The following NXN variants were observed in gnomAD, a reference collection of about 807,000 sequenced individuals.
NXN encodes the protein nucleoredoxin 1.
In NXN, 16 loss-of-function variants were observed where a neutral mutation model predicts 48.6. That is an observed-to-expected ratio of 0.33 (90% CI 0.22 to 0.50). The LOEUF (loss-of-function observed/expected upper bound fraction) is 0.50. NXN is among the 20% of genes least tolerant of loss of function. NXN has a pLI of 0.98. For synonymous variants in NXN, 281 were observed against 269.6 expected, an observed-to-expected ratio of 1.04 and a Z score of -0.41; for missense variants, 492 against 605.5, an observed-to-expected ratio of 0.81 and a Z score of 1.97.
At chr17:839,823 A>G (rs12941788) in intron 1 of NXN, among the ~76,000 whole-genome samples, 5,666 of 143,880 alleles carry the variant, frequency 0.039, 247 homozygotes, top group East Asian at 0.21. Context: ...AAGGCCAGGC[A>G]CGGTGGCTCA....
At chr17:810,241 C>T (rs1253286945) in intron 5 of NXN, among the ~76,000 whole-genome samples, 3 of 122,138 alleles carry the variant, frequency 2.5e-5, no homozygotes, top group Admixed American at 8.4e-5. Flanking sequence ...GTGGCGTGCA[C>T]GTTACGAGTC....
At chr17:802,441 G>A (rs537710104) in intron 7 of NXN, among the ~76,000 whole-genome samples, 12 of 152,354 alleles carry the variant, frequency 7.9e-5, no homozygotes, top group African/African-American at 2.6e-4. Flanking sequence ...AGCCAGGAGC[G>A]AAGGAGACAG....
chr17:858,924 C>T (rs1299295407), intron 1 of NXN, among the ~76,000 whole-genome samples: 1 of 152,120 alleles, frequency 6.6e-6, no homozygotes, highest in Non-Finnish European at 1.5e-5. Context: ...CCATAGCCAG[C>T]CAAGAGCAGG....
intron 1 of NXN, among the ~76,000 whole-genome samples, chr17:922,652 GTTCT>G (rs747695213): frequency 2.7e-4 from 41 of 151,716 alleles, no homozygotes; most frequent in Non-Finnish European, 3.2e-4. Context: ...TCCACTCTGC[GTTCT>G]TTGTTTTGTT....
intron 5 of NXN, among the ~76,000 whole-genome samples, chr17:806,948 G>GCACACACA (rs1567808816): frequency 2.2e-5 from 3 of 139,428 alleles, no homozygotes; most frequent in African/African-American, 9.4e-5. Flanking sequence ...ACACACACAC[G>GCACACACA]CACGCGCCCA....
At chr17:885,052 C>A (rs563051820) in intron 1 of NXN, among the ~76,000 whole-genome samples, 1 of 152,180 alleles carries the variant, frequency 6.6e-6, no homozygotes, top group African/African-American at 2.4e-5. Context: ...CCAAGCGGAG[C>A]TGAGTCAGGC....
At chr17:938,491 C>A (rs1471752593) in intron 1 of NXN, among the ~76,000 whole-genome samples, 1 of 149,636 alleles carries the variant, frequency 6.7e-6, no homozygotes, top group African/African-American at 2.6e-5. Context: ...ATCAGCCCAG[C>A]CAACATGGCG....
At chr17:818,346 AC>A (rs1315047719) in intron 5 of NXN, among the ~76,000 whole-genome samples, 1 of 152,088 alleles carries the variant, frequency 6.6e-6, no homozygotes, top group Non-Finnish European at 1.5e-5. Context: ...TGATTTTCTC[AC>A]CGAGAAGGTG....
At chr17:943,587 T>G (rs1005853815) in intron 1 of NXN, among the ~76,000 whole-genome samples, 1 of 151,112 alleles carries the variant, frequency 6.6e-6, no homozygotes, top group Non-Finnish European at 1.5e-5. Flanking sequence ...TTTGGGAGGC[T>G]GAGGCAGGCG....
In NXN at chr17:898,556, CAT is replaced by C. The variant is rs1212640358; in HGVS notation, c.361-72480_361-72479del. ...TGCCGTCAGGAACTCGTCCGGACGC[CAT>C]CTCCTCTGAGAAACTACTCTGAGGC... On this transcript the variant is annotated intron_variant, in intron 1 of 7. Coordinates refer to ENST00000336868, the MANE Select transcript of NXN (RefSeq NM_022463.5). Among the ~76,000 whole-genome samples, 4 of 72,134 alleles carry C rather than the reference CAT, an allele frequency of 5.5e-5. 1 individual carries two copies. Among genetic ancestry groups the C allele is most frequent in the African/African-American group, 1.3e-4 (4 of 31,464 alleles). 47.3% of individuals were successfully genotyped at this position (72,134 alleles called of 152,430 possible).
chr17:931,243 C>T lies in NXN; in HGVS notation c.360+48076G>A, dbSNP rs1175951778. ...TCGAGGCTGCAGTGAGCTGAGATCGCGCCACTGCACTCCAGCCTGGGCGAC... is the reference window on the plus strand; with the variant it reads ...TCGAGGCTGCAGTGAGCTGAGATCGTGCCACTGCACTCCAGCCTGGGCGAC... On this transcript the variant is annotated intron_variant, in intron 1 of 7. Transcript: ENST00000336868. Among the ~76,000 whole-genome samples the T allele has an allele frequency of 2.7e-5, 4 of 149,690 alleles. 1 individual carries two copies. In the Admixed American group the frequency reaches 2.7e-4, roughly 10 times the overall value.
chr17:955,832 G>C (rs1341977252), intron 1 of NXN, among the ~76,000 whole-genome samples: 1 of 151,906 alleles, frequency 6.6e-6, no homozygotes, highest in African/African-American at 2.4e-5. Flanking sequence ...AACCCGGGAG[G>C]CGGAGCTTGC....
chr17:936,650 GA>G (rs1381940303), intron 1 of NXN, among the ~76,000 whole-genome samples: 1 of 150,530 alleles, frequency 6.6e-6, no homozygotes, highest in East Asian at 1.9e-4. Context: ...AACAGTGAGG[GA>G]AAAAAAGGGT....
At chr17:858,684 G>C (rs557150318) in intron 1 of NXN, among the ~76,000 whole-genome samples, 223 of 151,448 alleles carry the variant, frequency 1.5e-3, no homozygotes, top group Non-Finnish European at 2.5e-3. Context: ...AGACAAGATC[G>C]CGCCACTGCA....
intron 1 of NXN, among the ~76,000 whole-genome samples, chr17:931,999 C>A (rs976440237): frequency 1.4e-5 from 2 of 147,586 alleles, no homozygotes; most frequent in Non-Finnish European, 2.9e-5. Flanking sequence ...CAAAAATTAG[C>A]CAGGTGTGGT....
intron 1 of NXN, among the ~76,000 whole-genome samples, chr17:827,216 C>A (rs1382515181): frequency 1.3e-5 from 2 of 152,138 alleles, no homozygotes; most frequent in African/African-American, 4.8e-5. Flanking sequence ...TGGTGGCTCA[C>A]ATCTGTAATC....
chr17:976,587 C>T (rs905289316), intron 1 of NXN, among the ~76,000 whole-genome samples: 7 of 152,292 alleles, frequency 4.6e-5, no homozygotes, highest in African/African-American at 1.2e-4. Context: ...ATCCACAAGA[C>T]GTGTTCACCC....
intron 1 of NXN, among the ~76,000 whole-genome samples, chr17:843,049 AAAGAAAGAAGGAAGAAAGCAAGC>A (rs1185819569): frequency 4.9e-4 from 64 of 130,278 alleles, no homozygotes; most frequent in African/African-American, 1.8e-3. Context: ...AGAAAGAAAG[AAAGAAAGAAGGAAGAAAGCAAGC>A]AAGCAAGCTG....
chr17:915,878 G>GGCGGCCACTTATGGTGTCAGAGCCAA (rs1172944458), intron 1 of NXN, among the ~76,000 whole-genome samples: 1 of 105,924 alleles, frequency 9.4e-6, no homozygotes, highest in African/African-American at 4.6e-5. Flanking sequence ...GTCAGAGCTG[G>GGCGGCCACTTATGGTGTCAGAGCCAA]AACTTCCAGC....
Sources: gnomAD v4.1 joint callset for allele counts (sites outside exome capture counted in the v4.1 genomes callset) on GRCh38, gnomAD v4.1.1 for gene constraint, MANE v1.5 for transcripts, NCBI Gene and HGNC (gene_info 2026-07-23, HGNC 2026-07-21) for gene names.